The following SEC22A variants were observed in gnomAD, a reference collection of about 807,000 sequenced individuals.
SEC22A encodes vesicle-trafficking protein SEC22a.
SEC22A carries 22 observed loss-of-function variants against 35.3 expected under a neutral mutation model. The ratio of observed to expected loss-of-function variants is 0.62; its 90% CI spans 0.45 to 0.89. The LOEUF (loss-of-function observed/expected upper bound fraction) is 0.89, where lower values mean the gene tolerates loss of function less well. SEC22A is among the 40% of genes least tolerant of loss of function. The pLI is 0.00. For missense variants in SEC22A, 354 were observed against 362.5 expected, an observed-to-expected ratio of 0.98 and a Z score of 0.19; for synonymous variants, 119 against 129.5, an observed-to-expected ratio of 0.92 and a Z score of 0.55.
At chr3:123,240,259 A>G (rs939685153) in intron 4 of SEC22A, among the ~76,000 whole-genome samples, 1 of 152,244 alleles carries the variant, frequency 6.6e-6, no homozygotes, top group African/African-American at 2.4e-5. Flanking sequence ...ATCACAATAT[A>G]GGACATTTCC....
chr3:123,234,527 G>T (rs1042235694), intron 4 of SEC22A, among the ~76,000 whole-genome samples: 1 of 151,960 alleles, frequency 6.6e-6, no homozygotes, highest in Non-Finnish European at 1.5e-5. Flanking sequence ...TAGTCTTTTT[G>T]ACAAATGGTG....
intron 5 of SEC22A, among the ~76,000 whole-genome samples, chr3:123,254,405 G>A (rs1937673834): frequency 6.6e-6 from 1 of 152,124 alleles, no homozygotes; most frequent in South Asian, 2.1e-4. Context: ...GGTGAATAGT[G>A]ACATTCATAA....
At chr3:123,264,927 G>A (rs911512185) in intron 6 of SEC22A, among the ~76,000 whole-genome samples, 25 of 151,912 alleles carry the variant, frequency 1.6e-4, no homozygotes, top group Non-Finnish European at 3.2e-4. Flanking sequence ...GATTATAAGC[G>A]TGAGCCACCG....
At chr3:123,227,759 G>T (rs908541506) in intron 4 of SEC22A, among the ~76,000 whole-genome samples, 2 of 152,020 alleles carry the variant, frequency 1.3e-5, no homozygotes, top group African/African-American at 4.8e-5. Context: ...AGACCAGCCT[G>T]GCCAAGATGG....
intron 2 of SEC22A, among the ~76,000 whole-genome samples, chr3:123,213,769 A>G (rs1039191048): frequency 3.9e-5 from 6 of 152,230 alleles, no homozygotes; most frequent in African/African-American, 7.2e-5. Context: ...CAGAATCTCA[A>G]AATCACTAAG....
chr3:123,216,931 A>C (rs1937036997), intron 2 of SEC22A, among the ~76,000 whole-genome samples: 1 of 152,064 alleles, frequency 6.6e-6, no homozygotes, highest in Non-Finnish European at 1.5e-5. Flanking sequence ...GGTTCACGTG[A>C]TCCTCCTGCC....
intron 2 of SEC22A, among the ~76,000 whole-genome samples, chr3:123,209,613 T>C (rs1173654695): frequency 1.3e-5 from 2 of 152,246 alleles, no homozygotes; most frequent in Admixed American, 1.3e-4. Context: ...GTTGTGCAGA[T>C]CATAGATATC....
chr3:123,228,617 C>T (rs1937257958), intron 4 of SEC22A, among the ~76,000 whole-genome samples: 1 of 150,320 alleles, frequency 6.7e-6, no homozygotes, highest in Non-Finnish European at 1.5e-5. Flanking sequence ...GACCCACACA[C>T]TGTGGGCATG....
Position 123,260,131 on chromosome 3 carries a change from C to CAAAAAAAAAAAA in SEC22A, c.723+569_723+580dup, listed in dbSNP as rs533386545. Among the ~76,000 whole-genome samples the CAAAAAAAAAAAA allele has an allele frequency of 9.2e-4, 46 of 49,782 alleles. 2 individuals carry two copies. Among genetic ancestry groups the CAAAAAAAAAAAA allele is most frequent in the Middle Eastern group, 0.016 (1 of 62 alleles). The allele number at this position is 49,782 out of a possible 152,430, so 32.7% of individuals were successfully genotyped here. A position where few individuals can be genotyped will look rare whatever the true frequency, so the allele number is the denominator to read the frequency against. ...TGGGCAACAGAGCGAGACTACATCT[C>CAAAAAAAAAAAA]AAAAAAAAAAAAAAAAAAAAAAAAA... On this transcript the variant is annotated intron_variant, in intron 6 of 6. Transcript: ENST00000492595.
Position 123,272,039 on chromosome 3 carries a change from A to T in SEC22A, c.*317A>T, listed in dbSNP as rs568993366. The T allele has an allele frequency of 6.2e-6, 2 of 321,306 alleles. No individual in the cohort carries two copies. The highest frequency in any genetic ancestry group is 9.5e-5 in the South Asian group (2 of 21,022). 19.9% of individuals were successfully genotyped at this position (321,306 alleles called of 1,614,324 possible). ...CCTTCCTGAAGAGTTCAGAAAATAG[A>T]TGTGGTATTGCTCTGAGGACCAGGC... On this transcript the variant is annotated 3_prime_UTR_variant, in exon 7 of 7. Transcript: ENST00000492595.
Position 123,271,540 on chromosome 3 carries a change from T to C in SEC22A, c.742T>C (p.Tyr248His), listed in dbSNP as rs1230961326. 2.5e-6 allele frequency: 4 copies of C among 1,613,636 alleles called. No individual in the cohort carries two copies. Among genetic ancestry groups the C allele is most frequent in the Non-Finnish European group, 3.4e-6 (4 of 1,179,954 alleles). The stretch of plus-strand genomic sequence containing the variant: ...TGAACAGTGTTATTTACTTGTCTAC[T>C]ACACCGGCTGGCGGAATGTCAAATC... ...CLYQCYLLVY[Y>H]TGWRNVKSFL... The change falls in exon 7 of 7, where the codon TAC (tyrosine) becomes CAC (histidine). Residue 248 changes from tyrosine (Y) to histidine (H), a missense_variant. Coordinates refer to ENST00000492595, the MANE Select transcript of SEC22A (RefSeq NM_012430.5).
intron 5 of SEC22A, among the ~76,000 whole-genome samples, chr3:123,251,920 G>A (rs1937618544): frequency 1.3e-5 from 2 of 152,184 alleles, no homozygotes; most frequent in Non-Finnish European, 2.9e-5. Context: ...TAAAGATTCT[G>A]TGTCCTAAAA....
intron 5 of SEC22A, among the ~76,000 whole-genome samples, chr3:123,253,708 A>G (rs1448556870): frequency 3.1e-5 from 4 of 130,264 alleles, no homozygotes; most frequent in African/African-American, 1.2e-4. Context: ...GCAAGACTCC[A>G]TCTCAAAAAA....
Position 123,223,630 on chromosome 3 carries a change from C to G in SEC22A, c.254C>G (p.Ser85Cys). ...AATTACCCAAATGTTCTCGCCTTCT[C>G]TTTCCTGGATGAGCTTCAGAAGGAG... ...TENYPNVLAF[S>C]FLDELQKEFI... The change falls in exon 3 of 7, where the codon TCT (serine) becomes TGT (cysteine). Residue 85 changes from serine (S) to cysteine (C), a missense_variant. Transcript: ENST00000492595. 1 of 1,613,424 alleles carries G rather than the reference C, an allele frequency of 6.2e-7. No homozygotes were observed. The highest frequency in any genetic ancestry group is 8.5e-7 in the Non-Finnish European group (1 of 1,179,408).
At chr3:123,251,190 T>C (rs950510054) in intron 5 of SEC22A, among the ~76,000 whole-genome samples, 5 of 152,126 alleles carry the variant, frequency 3.3e-5, no homozygotes, top group African/African-American at 1.2e-4. Context: ...CTTAAAGAGA[T>C]TTTTTTGTTT....
At chr3:123,206,708 A>C (rs1216793576) in intron 1 of SEC22A, among the ~76,000 whole-genome samples, 8 of 152,176 alleles carry the variant, frequency 5.3e-5, no homozygotes, top group African/African-American at 1.9e-4. Flanking sequence ...AAAAAACACC[A>C]ATTGGGATAT....
chr3:123,212,273 T>A (rs181129835), intron 2 of SEC22A, among the ~76,000 whole-genome samples: 356 of 152,196 alleles, frequency 2.3e-3, no homozygotes, highest in African/African-American at 7.9e-3. Context: ...TTAATTGGGG[T>A]TTCTGAGGGT....
intron 2 of SEC22A, among the ~76,000 whole-genome samples, chr3:123,219,223 G>A (rs1451328496): frequency 6.6e-6 from 1 of 152,132 alleles, no homozygotes; most frequent in Non-Finnish European, 1.5e-5. Context: ...CCAGTGGGTG[G>A]CTGGAATGTA....
chr3:123,226,361 T>C (rs1252687948), intron 4 of SEC22A, among the ~76,000 whole-genome samples: 3 of 152,250 alleles, frequency 2.0e-5, no homozygotes, highest in Non-Finnish European at 4.4e-5. Flanking sequence ...GCATTCATTA[T>C]TGCCTGTCTT....
Sources: allele counts gnomAD v4.1 joint callset (sites outside exome capture counted in the v4.1 genomes callset), GRCh38; gene constraint gnomAD v4.1.1; transcripts MANE v1.5; gene names NCBI Gene and HGNC (gene_info 2026-07-23, HGNC 2026-07-21).